Variants in ADCY8 observed in about 807,000 individuals in gnomAD.
ADCY8 encodes adenylate cyclase 8, also known as adenylate cyclase type 8.
A neutral mutation model predicts 119.7 loss-of-function variants in ADCY8; 51 were observed. That is an observed-to-expected ratio of 0.43 (90% CI 0.34 to 0.54). The LOEUF (loss-of-function observed/expected upper bound fraction) is 0.54. ADCY8 is among the 20% of genes least tolerant of loss of function. The probability of loss-of-function intolerance (pLI) is 0.03; values close to 1 mark genes in which losing one functional copy is unlikely to be tolerated. For missense variants in ADCY8, 1,383 were observed against 1,598.8 expected (o/e 0.87, Z 2.30); for synonymous variants, 665 against 651.0 (o/e 1.02, Z -0.33).
intron 5 of ADCY8, among the ~76,000 whole-genome samples, chr8:130,912,951 T>C (rs1475601003): frequency 2.0e-5 from 3 of 152,208 alleles, no homozygotes; most frequent in Non-Finnish European, 4.4e-5. Flanking sequence ...TGAGCTTCTG[T>C]GCAGGAGGTC....
At chr8:130,795,993 C>CA (rs138225349) in intron 15 of ADCY8, among the ~76,000 whole-genome samples, 1,647 of 152,240 alleles carry the variant, frequency 0.011, 34 homozygotes, top group African/African-American at 0.038. Flanking sequence ...GGTGTTTTGG[C>CA]GCCCTTCAGC....
chr8:130,818,360 C>T (rs1306170153), intron 13 of ADCY8, among the ~76,000 whole-genome samples: 3 of 152,140 alleles, frequency 2.0e-5, no homozygotes, highest in Non-Finnish European at 4.4e-5. Flanking sequence ...CTGCTAAAAC[C>T]GAAGAGTCCC....
At chr8:131,004,415 C>G (rs1823050489) in intron 1 of ADCY8, among the ~76,000 whole-genome samples, 1 of 152,178 alleles carries the variant, frequency 6.6e-6, no homozygotes, top group African/African-American at 2.4e-5. Flanking sequence ...CAGCTTCCTC[C>G]TCATCTGTCT....
chr8:130,947,809 C>A (rs192356616), intron 3 of ADCY8, among the ~76,000 whole-genome samples: 46 of 152,208 alleles, frequency 3.0e-4, no homozygotes, highest in Non-Finnish European at 5.1e-4. Context: ...ATTGGCAGGG[C>A]CAATAGGAAA....
intron 1 of ADCY8, among the ~76,000 whole-genome samples, chr8:131,017,528 T>C (rs922461228): frequency 1.3e-5 from 2 of 152,200 alleles, no homozygotes; most frequent in Non-Finnish European, 2.9e-5. Flanking sequence ...CTACTCTTTA[T>C]GGTATGGGAT....
intron 3 of ADCY8, among the ~76,000 whole-genome samples, chr8:130,948,609 G>A (rs1001134651): frequency 6.9e-6 from 1 of 144,962 alleles, no homozygotes; most frequent in African/African-American, 2.6e-5. Flanking sequence ...AGACTTAGAT[G>A]TGTACAGCAC....
At chr8:130,921,449 C>CT (rs35570520) in intron 5 of ADCY8, among the ~76,000 whole-genome samples, 19,467 of 107,586 alleles carry the variant, frequency 0.18, 1,554 homozygotes, top group Non-Finnish European at 0.21. Context: ...TTTTTCTTTT[C>CT]TTTTTTTTTT....
At chr8:130,906,199 T>C (rs1034216295) in intron 6 of ADCY8, among the ~76,000 whole-genome samples, 2 of 152,232 alleles carry the variant, frequency 1.3e-5, no homozygotes, top group African/African-American at 2.4e-5. Flanking sequence ...TCAATAATAT[T>C]GACCTGGGAG....
intron 1 of ADCY8, among the ~76,000 whole-genome samples, chr8:130,995,921 G>T (rs1822759681): frequency 6.6e-6 from 1 of 152,098 alleles, no homozygotes; most frequent in Admixed American, 6.6e-5. Context: ...TGGACAACTA[G>T]CATCCAGCAC....
chr8:130,792,579 A>G (rs1815457508), intron 15 of ADCY8, among the ~76,000 whole-genome samples: 1 of 152,134 alleles, frequency 6.6e-6, no homozygotes, highest in Admixed American at 6.5e-5. Context: ...CAGTTGCTTC[A>G]GAATAAAACC....
At chr8:130,926,032 C>A (rs1278163006) in intron 5 of ADCY8, among the ~76,000 whole-genome samples, 1 of 152,168 alleles carries the variant, frequency 6.6e-6, no homozygotes, top group Non-Finnish European at 1.5e-5. Flanking sequence ...GAGTCAGTGA[C>A]TTTTCATTGC....
intron 7 of ADCY8, among the ~76,000 whole-genome samples, chr8:130,900,631 C>T (rs781590020): frequency 6.6e-6 from 1 of 152,190 alleles, no homozygotes; most frequent in Non-Finnish European, 1.5e-5. Flanking sequence ...CACCACATTC[C>T]CTAGTTCTCT....
At chr8:130,957,713 C>G (rs893337809) in intron 2 of ADCY8, among the ~76,000 whole-genome samples, 1 of 152,198 alleles carries the variant, frequency 6.6e-6, no homozygotes, top group African/African-American at 2.4e-5. Flanking sequence ...ACTTGGTGCC[C>G]TGTGTCCCAG....
chr8:130,854,600 A>C lies in ADCY8; in HGVS notation c.2211-4797T>G, dbSNP rs113292875. Among the ~76,000 whole-genome samples the C allele has an allele frequency of 8.0e-3, 1,222 of 152,352 alleles. 18 individuals carry two copies. Among genetic ancestry groups the C allele is most frequent in the African/African-American group, 0.028 (1,167 of 41,574 alleles). On this transcript the variant is annotated intron_variant, in intron 9 of 17. Coordinates refer to ENST00000286355, the MANE Select transcript of ADCY8 (RefSeq NM_001115.3). ...GAAAGATATTCTAAGCCCTTTCAACAGATGAAAATACTGTGACTCCAAAAG... is the reference window on the plus strand; with the variant it reads ...GAAAGATATTCTAAGCCCTTTCAACCGATGAAAATACTGTGACTCCAAAAG...
At chr8:130,967,017 T>C (rs186757658) in intron 2 of ADCY8, among the ~76,000 whole-genome samples, 5 of 152,338 alleles carry the variant, frequency 3.3e-5, no homozygotes, top group South Asian at 2.1e-4. Flanking sequence ...AGACCTCATA[T>C]GTGAAAAGAC....
chr8:130,907,241 C>T (rs10103367), intron 6 of ADCY8, among the ~76,000 whole-genome samples: 2,005 of 152,158 alleles, frequency 0.013, 41 homozygotes, highest in African/African-American at 0.044. Flanking sequence ...ACCAGAAACT[C>T]GGCAGTGGGG....
chr8:130,785,533 G>C, intron 15 of ADCY8, 58 bp from the exon 16 acceptor site: 1 of 1,379,732 alleles, frequency 7.2e-7, no homozygotes, highest in East Asian at 2.5e-5. Flanking sequence ...AGCAGCCTGG[G>C]CTCCTGAAAA....
intron 15 of ADCY8, among the ~76,000 whole-genome samples, chr8:130,795,366 A>G (rs143100296): frequency 1.3e-5 from 2 of 152,320 alleles, no homozygotes; most frequent in African/African-American, 4.8e-5. Context: ...TTTTTCAAAA[A>G]TTAAGACACA....
intron 8 of ADCY8, among the ~76,000 whole-genome samples, chr8:130,876,308 C>T (rs2917055): frequency 0.26 from 39,514 of 151,950 alleles, 5,489 homozygotes; most frequent in South Asian, 0.44. Context: ...GCCTCATTCT[C>T]CCAAAATGCT....
Sources: allele counts gnomAD v4.1 joint callset (sites outside exome capture counted in the v4.1 genomes callset), GRCh38; gene constraint gnomAD v4.1.1; transcripts MANE v1.5; gene names NCBI Gene and HGNC (gene_info 2026-07-23, HGNC 2026-07-21).